FCHSD2: variants seen among roughly 807,000 people sequenced by gnomAD.
FCHSD2 encodes FCH and double SH3 domains 2.
A neutral mutation model predicts 108.1 loss-of-function variants in FCHSD2; 38 were observed. The ratio of observed to expected loss-of-function variants is 0.35; its 90% confidence interval spans 0.27 to 0.46. The LOEUF (loss-of-function observed/expected upper bound fraction) is 0.46. Ranked by LOEUF, FCHSD2 falls within the 20% of genes least tolerant of loss-of-function variation. The pLI is 1.00. For synonymous variants in FCHSD2, 279 were observed against 314.7 expected (o/e 0.89, Z 1.20); for missense variants, 751 against 897.8 (o/e 0.84, Z 2.09).
intron 3 of FCHSD2, among the ~76,000 whole-genome samples, chr11:73,082,335 C>CCAAAAA (rs1466695525): frequency 1.2e-4 from 4 of 34,460 alleles, no homozygotes; most frequent in African/African-American, 4.3e-4. Flanking sequence ...AGACTTGTCC[C>CCAAAAA]AAAAAAAAAA....
chr11:72,895,381 G>C (rs915416459), intron 10 of FCHSD2, among the ~76,000 whole-genome samples: 42 of 152,156 alleles, frequency 2.8e-4, no homozygotes, highest in African/African-American at 9.4e-4. Context: ...TGACATGAAA[G>C]TAAAACAAAA....
chr11:72,893,882 T>G (rs915384045), intron 10 of FCHSD2, among the ~76,000 whole-genome samples: 1 of 152,210 alleles, frequency 6.6e-6, no homozygotes, highest in Non-Finnish European at 1.5e-5. Flanking sequence ...GATATATTAG[T>G]CTTTAAGTCA....
At chr11:73,025,574 G>T (rs139525599) in intron 3 of FCHSD2, among the ~76,000 whole-genome samples, 6 of 152,142 alleles carry the variant, frequency 3.9e-5, no homozygotes, top group African/African-American at 1.4e-4. Context: ...GCAATAATCT[G>T]TACCACAACC....
At chr11:72,879,371 C>T (rs1252366430) in intron 12 of FCHSD2, among the ~76,000 whole-genome samples, 1 of 152,094 alleles carries the variant, frequency 6.6e-6, no homozygotes, top group Non-Finnish European at 1.5e-5. Flanking sequence ...CAAACAGTCA[C>T]TATGTCTAGA....
chr11:72,863,712 C>T (rs1200003573), intron 13 of FCHSD2, among the ~76,000 whole-genome samples: 1 of 152,038 alleles, frequency 6.6e-6, no homozygotes. Flanking sequence ...AGAAAATATA[C>T]AGATGCAAAT....
intron 8 of FCHSD2, among the ~76,000 whole-genome samples, chr11:72,979,923 A>G (rs1195120401): frequency 6.6e-6 from 1 of 152,234 alleles, no homozygotes; most frequent in Non-Finnish European, 1.5e-5. Context: ...TATCACCAAG[A>G]TAACTGCTAA....
intron 2 of FCHSD2, among the ~76,000 whole-genome samples, chr11:73,103,010 ATAAGTGTATCTACTG>A (rs1427999153): frequency 6.6e-6 from 1 of 152,272 alleles, no homozygotes; most frequent in East Asian, 1.9e-4. Flanking sequence ...AATGTCAAAC[ATAAGTGTATCTACTG>A]TATGATTCCA....
At chr11:73,041,880 T>C (rs1348721584) in intron 3 of FCHSD2, among the ~76,000 whole-genome samples, 4 of 152,202 alleles carry the variant, frequency 2.6e-5, no homozygotes, top group Non-Finnish European at 5.9e-5. Flanking sequence ...TCAGTAGTTT[T>C]ATAGTTTTGG....
At chr11:73,010,799 T>G (rs1857846010) in intron 4 of FCHSD2, among the ~76,000 whole-genome samples, 1 of 152,228 alleles carries the variant, frequency 6.6e-6, no homozygotes, top group South Asian at 2.1e-4. Context: ...GCACTAGTAG[T>G]CCAGGTGGGC....
chr11:73,035,282 AC>A lies in FCHSD2; in HGVS notation c.166-19398del, dbSNP rs1481568157. Reference sequence around the variant, plus strand: ...ATCTTGGCTCACTTGCAACCTCCACACCCACCAGGCTCAAGAGAGTAGCTGG... The same window carrying A: ...ATCTTGGCTCACTTGCAACCTCCACACCACCAGGCTCAAGAGAGTAGCTGG... On this transcript the variant is annotated intron_variant, in intron 3 of 19. Transcript: ENST00000409418. Among the ~76,000 whole-genome samples the A allele has an allele frequency of 2.0e-5, 3 of 151,688 alleles. No individual in the cohort carries two copies. In the East Asian group the frequency reaches 5.8e-4, roughly 29 times the overall value.
At chr11:72,954,717 C>A (rs1856680288) in intron 8 of FCHSD2, among the ~76,000 whole-genome samples, 1 of 151,538 alleles carries the variant, frequency 6.6e-6, no homozygotes, top group Admixed American at 6.6e-5. Context: ...GAGTAGTGTA[C>A]AAAGAGATTA....
intron 9 of FCHSD2, among the ~76,000 whole-genome samples, chr11:72,920,458 C>T (rs938872575): frequency 2.6e-5 from 4 of 152,100 alleles, no homozygotes; most frequent in African/African-American, 9.7e-5. Context: ...AATTTGATCA[C>T]GGCTGGGCAT....
In FCHSD2 at chr11:72,889,934, T is replaced by C. The variant is rs1440015026; in HGVS notation, c.936A>G (p.Leu312=). Reference sequence around the variant, plus strand: ...CCTCTGTGGTCCCAGTTTCTGATTCTAACTGTCGGCTCTACAATACAAGAG... The same window carrying C: ...CCTCTGTGGTCCCAGTTTCTGATTCCAACTGTCGGCTCTACAATACAAGAG... ...QPCDSDTSRQ[L]ESETGTTEEH... The change falls in exon 11 of 20, where the codon TTA becomes TTG. Residue 312 remains leucine, a synonymous_variant. Transcript: ENST00000409418. 6.2e-7 allele frequency: 1 copy of C among 1,607,614 alleles called. No individual in the cohort carries two copies. Among genetic ancestry groups the C allele is most frequent in the Non-Finnish European group, 8.5e-7 (1 of 1,174,146 alleles).
chr11:72,847,413 A>G (rs575941234), intron 14 of FCHSD2, among the ~76,000 whole-genome samples: 74 of 152,312 alleles, frequency 4.9e-4, no homozygotes, highest in African/African-American at 1.7e-3. Context: ...CTAATGACCT[A>G]CTACGTGCTG....
chr11:72,885,045 T>C (rs759364665), intron 12 of FCHSD2, among the ~76,000 whole-genome samples: 5 of 152,230 alleles, frequency 3.3e-5, no homozygotes, highest in Admixed American at 6.5e-5. Context: ...GCAAATGATA[T>C]ACAGGCAGAA....
At chr11:72,887,424 G>T in intron 12 of FCHSD2, 46 bp downstream of exon 12, 2 of 1,159,732 alleles carry the variant, frequency 1.7e-6, no homozygotes, top group Non-Finnish European at 2.6e-6. Context: ...AGCTGTGACA[G>T]TGTCATTAGA....
At chr11:73,068,334 T>TGGAG (rs997424255) in intron 3 of FCHSD2, among the ~76,000 whole-genome samples, 1 of 5,590 alleles carries the variant, frequency 1.8e-4, no homozygotes, top group African/African-American at 7.2e-4. Flanking sequence ...CGGTGGGTGG[T>TGGAG]GGAGGGAGGG....
intron 8 of FCHSD2, chr11:72,940,719 A>T: frequency 3.2e-6 from 3 of 951,680 alleles, no homozygotes; most frequent in Non-Finnish European, 5.1e-6. Context: ...GAAAACGCCC[A>T]GTTCCTAAGG....
intron 2 of FCHSD2, among the ~76,000 whole-genome samples, chr11:73,098,733 G>C (rs1178735600): frequency 6.6e-6 from 1 of 152,100 alleles, no homozygotes; most frequent in African/African-American, 2.4e-5. Flanking sequence ...AATGAAAGTG[G>C]ATCCCTATCT....
Sources: allele counts gnomAD v4.1 joint callset (sites outside exome capture counted in the v4.1 genomes callset), GRCh38; gene constraint gnomAD v4.1.1; transcripts MANE v1.5; gene names NCBI Gene and HGNC (gene_info 2026-07-23, HGNC 2026-07-21).